NAALADL2: variants seen among roughly 807,000 people sequenced by gnomAD.
The protein encoded by NAALADL2 is inactive N-acetylated-alpha-linked acidic dipeptidase-like protein 2.
NAALADL2 carries 76 observed loss-of-function variants against 87.2 expected under a neutral mutation model. The observed-to-expected ratio is 0.87, with a 90% CI of 0.72 to 1.05. The LOEUF is 1.05. Among genes scored for constraint, NAALADL2 ranks in the 50% least tolerant of loss-of-function variants. NAALADL2 has a pLI of 0.00. For synonymous variants in NAALADL2, 354 were observed against 331.0 expected, an observed-to-expected ratio of 1.07 and a Z score of -0.75; for missense variants, 1,089 against 945.8, an observed-to-expected ratio of 1.15 and a Z score of -1.99.
intron 5 of NAALADL2, among the ~76,000 whole-genome samples, chr3:175,429,768 G>T (rs974572303): frequency 6.6e-6 from 1 of 151,670 alleles, no homozygotes. Flanking sequence ...CATCCACAAA[G>T]AATAATAAAA....
At chr3:175,645,527 G>A (rs1210221441) in intron 11 of NAALADL2, among the ~76,000 whole-genome samples, 3 of 152,050 alleles carry the variant, frequency 2.0e-5, no homozygotes, top group African/African-American at 7.2e-5. Flanking sequence ...TTCCTGGGGG[G>A]CATTTTAAAT....
At chr3:175,616,591 G>A (rs1725381896) in intron 10 of NAALADL2, among the ~76,000 whole-genome samples, 1 of 152,024 alleles carries the variant, frequency 6.6e-6, no homozygotes, top group African/African-American at 2.4e-5. Flanking sequence ...TTCCTTCAGT[G>A]CCACTTCGCA....
chr3:175,717,375 T>C (rs2150020624), intron 11 of NAALADL2, among the ~76,000 whole-genome samples: 1 of 152,202 alleles, frequency 6.6e-6, no homozygotes, highest in East Asian at 1.9e-4. Context: ...GTCACAAGAT[T>C]TTTTGTTTTT....
In NAALADL2 at chr3:175,359,936, TTAAG is replaced by T. The variant is rs1581572555; in HGVS notation, c.1090+35613_1090+35616del. On this transcript the variant is annotated intron_variant, in intron 5 of 13. Coordinates refer to ENST00000454872, the MANE Select transcript of NAALADL2 (RefSeq NM_207015.3). ...AGCCAGTCCCCTAAAAGGGGCCACT[TTAAG>T]TTTTTTTAACTGTATCTTTTCTCAT... Among the ~76,000 whole-genome samples the T allele has an allele frequency of 2.0e-5, 3 of 152,210 alleles. No individual in the cohort carries two copies. The East Asian group carries it at 5.8e-4, about 29-fold the overall frequency.
chr3:175,199,994 T>G (rs1350412787), intron 2 of NAALADL2, among the ~76,000 whole-genome samples: 1 of 149,092 alleles, frequency 6.7e-6, no homozygotes, highest in African/African-American at 2.5e-5. Context: ...ATAAATACTC[T>G]TTCAGACTAC....
At chr3:174,950,682 A>G (rs1254632948) in intron 1 of NAALADL2, among the ~76,000 whole-genome samples, 3 of 152,096 alleles carry the variant, frequency 2.0e-5, no homozygotes, top group Non-Finnish European at 4.4e-5. Context: ...CTTTGTTTTA[A>G]TTGTCAATAA....
chr3:174,683,152 C>T (rs1169170986), intron 2 of NAALADL2, among the ~76,000 whole-genome samples: 2 of 152,072 alleles, frequency 1.3e-5, no homozygotes, highest in African/African-American at 4.8e-5. Flanking sequence ...CATAATTGAT[C>T]CAGCAGAATA....
In NAALADL2 at chr3:175,799,730, CTATT is replaced by C. The variant is rs1273766975; in HGVS notation, c.2190-3272_2190-3269del. ...TCAATAAGTATTTCACTAATTCTCA[CTATT>C]TAAGTCATTTTGAGATATCATCAAA... is the stretch of plus-strand genomic sequence containing the variant. On this transcript the variant is annotated intron_variant, in intron 13 of 13. Coordinates refer to ENST00000454872, the MANE Select transcript of NAALADL2 (RefSeq NM_207015.3). 1.4e-4 allele frequency among the ~76,000 whole-genome samples: 21 copies of C among 152,242 alleles called. No individual in the cohort carries two copies. In the East Asian group the frequency reaches 3.1e-3, roughly 22 times the overall value.
chr3:175,284,533 T>A (rs1399213249), intron 4 of NAALADL2, among the ~76,000 whole-genome samples: 1 of 151,938 alleles, frequency 6.6e-6, no homozygotes, highest in Non-Finnish European at 1.5e-5. Context: ...AAAAATGAGC[T>A]CTTAGTTAGC....
At chr3:175,116,993 C>CA (rs1725326840) in intron 2 of NAALADL2, among the ~76,000 whole-genome samples, 1 of 151,906 alleles carries the variant, frequency 6.6e-6, no homozygotes, top group African/African-American at 2.4e-5. Context: ...ACAAACCTGA[C>CA]AAAAACAAGA....
rs186243759 is a variant in NAALADL2 at position 175,699,252 on chromosome 3, C to A, written c.1897-38054C>A. Among the ~76,000 whole-genome samples, 436 of 151,790 alleles carry A rather than the reference C, an allele frequency of 2.9e-3. 5 individuals are homozygous for A. Among genetic ancestry groups the A allele is most frequent in the African/African-American group, 0.01 (430 of 41,470 alleles). ...AGATCCACAAAAATAATGTTGAGAA[C>A]CATAAATCTTAATACAAAGCACTAC... On this transcript the variant is annotated intron_variant, in intron 11 of 13. Coordinates refer to ENST00000454872, the MANE Select transcript of NAALADL2 (RefSeq NM_207015.3).
rs1343807823 is a variant in NAALADL2 at position 175,659,784 on chromosome 3, A to G, written c.1896+32398A>G. Among the ~76,000 whole-genome samples the G allele has an allele frequency of 2.0e-5, 3 of 152,156 alleles. No individual in the cohort carries two copies. In the South Asian group the frequency reaches 6.2e-4, roughly 31 times the overall value. ...ATTTCTGTATCACACCCAGCTACCTAGTCCAAAAGGAGCTAGACTTCTATA... is the reference window on the plus strand; with the variant it reads ...ATTTCTGTATCACACCCAGCTACCTGGTCCAAAAGGAGCTAGACTTCTATA... On this transcript the variant is annotated intron_variant, in intron 11 of 13. Transcript: ENST00000454872.
At chr3:175,748,708 C>CA (rs939701626) in intron 12 of NAALADL2, among the ~76,000 whole-genome samples, 11 of 152,056 alleles carry the variant, frequency 7.2e-5, no homozygotes, top group Non-Finnish European at 1.5e-4. Flanking sequence ...AATACAGCCA[C>CA]AAAAAACACA....
At chr3:175,461,044 C>T (rs1343111524) in intron 6 of NAALADL2, among the ~76,000 whole-genome samples, 2 of 152,094 alleles carry the variant, frequency 1.3e-5, no homozygotes, top group Non-Finnish European at 2.9e-5. Flanking sequence ...GTCCATTTTG[C>T]AGAGTGCTGA....
intron 2 of NAALADL2, among the ~76,000 whole-genome samples, chr3:174,632,465 C>CA (rs1428671215): frequency 6.6e-6 from 1 of 151,818 alleles, no homozygotes; most frequent in East Asian, 1.9e-4. Context: ...TCTATAAAAG[C>CA]AAAAAATAGA....
chr3:175,466,102 C>A (rs1172598893), intron 7 of NAALADL2, among the ~76,000 whole-genome samples: 1 of 152,182 alleles, frequency 6.6e-6, no homozygotes, highest in Non-Finnish European at 1.5e-5. Flanking sequence ...TGGATTCTAA[C>A]CCAAGCAGGC....
At chr3:175,277,835 C>T (rs1753795876) in intron 4 of NAALADL2, among the ~76,000 whole-genome samples, 1 of 152,160 alleles carries the variant, frequency 6.6e-6, no homozygotes, top group Non-Finnish European at 1.5e-5. Flanking sequence ...TTGTATCTTT[C>T]TTCTCTTCTT....
intron 1 of NAALADL2, among the ~76,000 whole-genome samples, chr3:174,951,694 A>T (rs374652162): frequency 6.6e-6 from 1 of 152,106 alleles, no homozygotes; most frequent in African/African-American, 2.4e-5. Flanking sequence ...GTTGTAATCA[A>T]TATAACTTTG....
intron 2 of NAALADL2, among the ~76,000 whole-genome samples, chr3:175,182,550 G>GTTTTTTTTTTTTTTTTTTTTTTT (rs1161831796): frequency 5.8e-5 from 4 of 69,474 alleles, no homozygotes; most frequent in African/African-American, 1.8e-4. Flanking sequence ...ACCACAGCCA[G>GTTTTTTTTTTTTTTTTTTTTTTT]TTTTTTTTTT....
Sources: allele counts gnomAD v4.1 joint callset (sites outside exome capture counted in the v4.1 genomes callset), GRCh38; gene constraint gnomAD v4.1.1; transcripts MANE v1.5; gene names NCBI Gene and HGNC (gene_info 2026-07-23, HGNC 2026-07-21).